HIGD1A: variants seen among roughly 807,000 people sequenced by gnomAD.
HIGD1A encodes the protein HIG1 domain family member 1A, mitochondrial.
In HIGD1A, 8 loss-of-function variants were observed where a neutral mutation model predicts 11.3. The ratio of observed to expected loss-of-function variants is 0.71; its 90% CI spans 0.42 to 1.28. The LOEUF is 1.28. Ranked by LOEUF, HIGD1A falls within the 50% of genes most tolerant of loss-of-function variation. The pLI, the probability that HIGD1A is intolerant of heterozygous loss-of-function variation, is 0.01. For synonymous variants in HIGD1A, 32 were observed against 38.4 expected, an observed-to-expected ratio of 0.83 and a Z score of 0.62; for missense variants, 107 against 118.8, an observed-to-expected ratio of 0.90 and a Z score of 0.46.
At position 42,783,086 on chromosome 3, in the gene HIGD1A, G is replaced by T. The variant is rs897616787; in HGVS notation, c.*2185C>A. On this transcript the variant is annotated 3_prime_UTR_variant, in exon 4 of 4. Coordinates refer to ENST00000321331, the MANE Select transcript of HIGD1A (RefSeq NM_014056.4). Reference sequence around the variant, plus strand: ...AACTATTAAATCATTAATTTCAGCTGACCAAGAGATTAATGGGAATGTTTT... The same window carrying T: ...AACTATTAAATCATTAATTTCAGCTTACCAAGAGATTAATGGGAATGTTTT... Among the ~76,000 whole-genome samples the T allele has an allele frequency of 6.6e-6, 1 of 152,182 alleles. No individual in the cohort carries two copies. Among genetic ancestry groups the T allele is most frequent in the East Asian group, 1.9e-4 (1 of 5,194 alleles).
intron 1 of HIGD1A, among the ~76,000 whole-genome samples, chr3:42,802,663 G>A (rs1433398510): frequency 2.6e-5 from 4 of 152,182 alleles, no homozygotes; most frequent in African/African-American, 9.7e-5. Context: ...TATAATTTGA[G>A]AGTAACAAAT....
In HIGD1A at chr3:42,788,028, A is replaced by G. The variant is rs5848630; in HGVS notation, c.98-1866T>C. On this transcript the variant is annotated intron_variant, in intron 2 of 3. Transcript: ENST00000321331. ...GTAAAACAACCACACACATACCCCC[A>G]CCTCTAACCACTGAGAAGCTGAGCA... 2.8e-3 allele frequency among the ~76,000 whole-genome samples: 27 copies of G among 9,584 alleles called. No homozygotes were observed. In the East Asian group the frequency reaches 0.29, roughly 101 times the overall value. The allele number at this position is 9,584 out of a possible 152,430, so 6.3% of individuals were successfully genotyped here.
chr3:42,800,321 T>C (rs1208591226), intron 1 of HIGD1A, among the ~76,000 whole-genome samples: 1 of 151,324 alleles, frequency 6.6e-6, no homozygotes, highest in East Asian at 1.9e-4. Context: ...AGAGAGACTC[T>C]GTCTCAAATT....
intron 1 of HIGD1A, among the ~76,000 whole-genome samples, chr3:42,800,180 A>G (rs549136122): frequency 6.6e-6 from 1 of 152,152 alleles, no homozygotes; most frequent in East Asian, 1.9e-4. Flanking sequence ...TACAAAAATT[A>G]GCTGGGCATA....
At chr3:42,796,446 T>A (rs1464166310) in intron 1 of HIGD1A, among the ~76,000 whole-genome samples, 5 of 141,170 alleles carry the variant, frequency 3.5e-5, no homozygotes, top group African/African-American at 1.4e-4. Context: ...TTTTTTTTTT[T>A]AAAAAAAAAA....
Position 42,794,220 on chromosome 3 carries a change from A to G in HIGD1A, c.34T>C (p.Tyr12His), listed in dbSNP as rs770095825. 1 of 1,604,784 alleles carries G rather than the reference A, an allele frequency of 6.2e-7. No homozygotes were observed. Among genetic ancestry groups the G allele is most frequent in the Non-Finnish European group, 8.5e-7 (1 of 1,177,066 alleles). Residue 12 changes from tyrosine to histidine, a missense_variant, in exon 2 of 4, where the codon TAT becomes CAT. By Grantham distance (83) the Tyr-to-His change is moderately conservative. Coordinates refer to ENST00000321331, the MANE Select transcript of HIGD1A (RefSeq NM_014056.4). ...AGTTTTGATCCCTGATCTTCCTCAT[A>G]TGAAGGAAGGGAAACACCTGTGTCT... ...STDTGVSLPS[Y>H]EEDQGSKLIR...
intron 2 of HIGD1A, among the ~76,000 whole-genome samples, chr3:42,791,299 C>A (rs1441081452): frequency 6.6e-6 from 1 of 152,122 alleles, no homozygotes; most frequent in Admixed American, 6.5e-5. Flanking sequence ...TAAGGAAATA[C>A]AGGAACCTAA....
intron 2 of HIGD1A, among the ~76,000 whole-genome samples, chr3:42,788,489 T>C (rs1329145182): frequency 6.6e-6 from 1 of 152,230 alleles, no homozygotes; most frequent in African/African-American, 2.4e-5. Flanking sequence ...TCTCAATTCA[T>C]GTTATTTAAA....
chr3:42,788,240 T>A (rs569234803), intron 2 of HIGD1A, among the ~76,000 whole-genome samples: 89 of 152,324 alleles, frequency 5.8e-4, no homozygotes, highest in Admixed American at 2.5e-3. Context: ...TCACAAGTGA[T>A]AAAGAGATTT....
intron 1 of HIGD1A, among the ~76,000 whole-genome samples, chr3:42,802,037 A>G (rs1157978164): frequency 6.6e-6 from 1 of 152,216 alleles, no homozygotes; most frequent in Non-Finnish European, 1.5e-5. Flanking sequence ...TGAGGGACCC[A>G]ACAAACAAAC....
In HIGD1A at chr3:42,787,594, A is replaced by AATAT. The variant is rs1163603645; in HGVS notation, c.98-1436_98-1433dup. On this transcript the variant is annotated intron_variant, in intron 2 of 3. Coordinates refer to ENST00000321331, the MANE Select transcript of HIGD1A (RefSeq NM_014056.4). Reference sequence around the variant, plus strand: ...CGACAGAGCGAGACTCCATCTCAAAAATATATATATATATATATATATATA... The same window carrying AATAT: ...CGACAGAGCGAGACTCCATCTCAAAAATATATATATATATATATATATATATATA... Among the ~76,000 whole-genome samples, 579 of 141,220 alleles carry AATAT rather than the reference A, an allele frequency of 4.1e-3. 13 individuals carry two copies. Among genetic ancestry groups the AATAT allele is most frequent in the African/African-American group, 0.014 (527 of 38,246 alleles). 92.6% of individuals were successfully genotyped at this position (141,220 alleles called of 152,430 possible).
intron 2 of HIGD1A, among the ~76,000 whole-genome samples, chr3:42,792,148 C>G (rs1700428071): frequency 6.6e-6 from 1 of 152,124 alleles, no homozygotes; most frequent in South Asian, 2.1e-4. Flanking sequence ...GGACATGGTA[C>G]CTTTCTGTTT....
chr3:42,796,685 G>C (rs1435236629), intron 1 of HIGD1A, among the ~76,000 whole-genome samples: 1 of 152,126 alleles, frequency 6.6e-6, no homozygotes, highest in Non-Finnish European at 1.5e-5. Context: ...GTGCTGATTG[G>C]TTGGGTTGGA....
At chr3:42,803,832 C>A (rs920058440) in intron 1 of HIGD1A, among the ~76,000 whole-genome samples, 1 of 152,228 alleles carries the variant, frequency 6.6e-6, no homozygotes, top group Admixed American at 6.5e-5. Flanking sequence ...AGAAGCACTA[C>A]ACAGGACCCT....
At chr3:42,788,673 G>A (rs900410016) in intron 2 of HIGD1A, among the ~76,000 whole-genome samples, 1 of 152,022 alleles carries the variant, frequency 6.6e-6, no homozygotes, top group African/African-American at 2.4e-5. Flanking sequence ...CTTGAAAACA[G>A]GAGTTCGAGA....
intron 1 of HIGD1A, among the ~76,000 whole-genome samples, chr3:42,803,083 C>A (rs758065154): frequency 6.6e-6 from 1 of 152,174 alleles, no homozygotes; most frequent in African/African-American, 2.4e-5. Flanking sequence ...CCTTCATTAT[C>A]GTTTTCTCAT....
intron 1 of HIGD1A, among the ~76,000 whole-genome samples, chr3:42,796,208 C>T (rs1369277053): frequency 6.6e-6 from 1 of 152,152 alleles, no homozygotes; most frequent in Non-Finnish European, 1.5e-5. Context: ...ATTGAGAAGA[C>T]TCAACTGTCA....
intron 2 of HIGD1A, among the ~76,000 whole-genome samples, chr3:42,790,769 C>T (rs897735153): frequency 6.6e-6 from 1 of 152,030 alleles, no homozygotes; most frequent in African/African-American, 2.4e-5. Context: ...ACATTTTTCC[C>T]GTTTTGGACT....
intron 1 of HIGD1A, among the ~76,000 whole-genome samples, chr3:42,803,198 T>C (rs574133502): frequency 1.9e-4 from 29 of 152,334 alleles, no homozygotes; most frequent in African/African-American, 6.5e-4. Context: ...CACAAATTAA[T>C]TCTGTACGCT....
Sources: allele counts gnomAD v4.1 joint callset (sites outside exome capture counted in the v4.1 genomes callset), GRCh38; gene constraint gnomAD v4.1.1; transcripts MANE v1.5; gene names NCBI Gene and HGNC (gene_info 2026-07-23, HGNC 2026-07-21).